The following GSE1 variants were observed in gnomAD, a reference collection of about 807,000 sequenced individuals.
The protein encoded by GSE1 is genetic suppressor element 1.
In GSE1, 32 loss-of-function variants were observed where a neutral mutation model predicts 112.6. That is an observed-to-expected ratio of 0.28 (90% confidence interval 0.21 to 0.38). The LOEUF is 0.38. Among genes scored for constraint, GSE1 ranks in the 10% least tolerant of loss-of-function variants. GSE1 has a pLI of 1.00. For missense variants in GSE1, 2,348 were observed against 1,699.2 expected (o/e 1.38, Z -6.71); for synonymous variants, 1,115 against 735.6 (o/e 1.52, Z -8.35).
Position 85,408,768 on chromosome 16 carries a change from T to C in GSE1, c.2464+51125T>C, listed in dbSNP as rs77281623. Reference sequence around the variant, plus strand: ...TCAGGCCCCCCTGGATAATCCTCACTGTTGCACTCAGGGTCCCTCTGATAA... The same window carrying C: ...TCAGGCCCCCCTGGATAATCCTCACCGTTGCACTCAGGGTCCCTCTGATAA... On this transcript the variant is annotated intron_variant, in intron 2 of 2. Coordinates refer to the GSE1 transcript ENST00000637419. Among the ~76,000 whole-genome samples, 40 of 44,380 alleles carry C rather than the reference T, an allele frequency of 9.0e-4. 1 individual carries two copies. Among genetic ancestry groups the C allele is most frequent in the East Asian group, 1.9e-3 (2 of 1,030 alleles). The allele number at this position is 44,380 out of a possible 152,430, so 29.1% of individuals were successfully genotyped here.
intron 3 of GSE1, among the ~76,000 whole-genome samples, chr16:85,649,962 G>C (rs2051195250): frequency 6.6e-6 from 1 of 152,156 alleles, no homozygotes; most frequent in South Asian, 2.1e-4. Flanking sequence ...GTCCCAGTGG[G>C]AATCCCTGGG....
chr16:85,532,464 T>C (rs2044168678), intron 2 of GSE1, among the ~76,000 whole-genome samples: 1 of 152,208 alleles, frequency 6.6e-6, no homozygotes, highest in Non-Finnish European at 1.5e-5. Flanking sequence ...AGTCTCCCTT[T>C]GTAGCCAGGC....
In GSE1 at chr16:85,338,520, G is replaced by C. The variant is rs187171864; in HGVS notation, c.2284-18943G>C. The stretch of plus-strand genomic sequence containing the variant: ...CACCTATGTCATAGGCATGTTTGGA[G>C]GATCAGGCAAGTAAGATTTGCAAAG... On this transcript the variant is annotated intron_variant, in intron 1 of 2. Coordinates refer to the GSE1 transcript ENST00000637419. 6.6e-5 allele frequency among the ~76,000 whole-genome samples: 10 copies of C among 152,244 alleles called. No individual in the cohort carries two copies. In the South Asian group the frequency reaches 2.1e-3, roughly 31 times the overall value.
chr16:85,178,396 G>C (rs1205858606), intron 1 of GSE1, among the ~76,000 whole-genome samples: 3 of 152,136 alleles, frequency 2.0e-5, no homozygotes, highest in Non-Finnish European at 4.4e-5. Context: ...GGCAGGACCA[G>C]CATTCCCGGC....
intron 1 of GSE1, among the ~76,000 whole-genome samples, chr16:85,335,833 G>A (rs904833330): frequency 1.4e-5 from 2 of 144,838 alleles, no homozygotes; most frequent in African/African-American, 2.5e-5. Flanking sequence ...AGCCGGGCGC[G>A]CTGGGAGCAG....
chr16:85,300,025 T>A (rs2045476429), intron 1 of GSE1, among the ~76,000 whole-genome samples: 1 of 152,036 alleles, frequency 6.6e-6, no homozygotes, highest in Non-Finnish European at 1.5e-5. Flanking sequence ...AGCTTTTTTT[T>A]TTTGAGACAC....
intron 2 of GSE1, among the ~76,000 whole-genome samples, chr16:85,376,174 G>A (rs942835109): frequency 2.0e-5 from 3 of 152,186 alleles, no homozygotes; most frequent in East Asian, 1.9e-4. Context: ...CTCTGCACCC[G>A]CTGTTCTGCC....
In GSE1 at chr16:85,661,634, C is replaced by T. The variant is rs770500135; in HGVS notation, c.2129C>T (p.Ser710Leu). Residue 710 changes from serine to leucine, a missense_variant, in exon 9 of 16, where the codon TCG (serine) becomes TTG (leucine). Coordinates refer to ENST00000253458, the MANE Select transcript of GSE1 (RefSeq NM_014615.5). Reference protein sequence around the residue: ...GELSGPLKPGSPYRPPVPRAP... With the variant: ...GELSGPLKPGLPYRPPVPRAP... ...CTCAGCGGACCCCTGAAGCCTGGCT[C>T]GCCCTACCGGCCCCCAGTGCCACGG... 1.7e-5 allele frequency: 28 copies of T among 1,611,370 alleles called. No individual in the cohort carries two copies. The highest frequency in any genetic ancestry group is 1.2e-4 in the Admixed American group (7 of 59,948).
intron 2 of GSE1, among the ~76,000 whole-genome samples, chr16:85,365,429 C>G (rs866852051): frequency 6.5e-4 from 99 of 152,362 alleles, no homozygotes; most frequent in Middle Eastern, 3.4e-3. Context: ...GCTGGTTCAC[C>G]TGGCTCCTCC....
At chr16:85,198,552 A>C (rs116112402) in intron 1 of GSE1, among the ~76,000 whole-genome samples, 1 of 150,758 alleles carries the variant, frequency 6.6e-6, no homozygotes, top group African/African-American at 2.4e-5. Context: ...GAGGGTCGGG[A>C]TGGGGGTAGC....
intron 2 of GSE1, among the ~76,000 whole-genome samples, chr16:85,511,367 A>G (rs549609903): frequency 3.7e-4 from 56 of 152,282 alleles, no homozygotes; most frequent in African/African-American, 1.3e-3. Flanking sequence ...TCTCTACTAA[A>G]AATACAAAAA....
At chr16:85,349,161 A>G (rs2046803396) in intron 1 of GSE1, among the ~76,000 whole-genome samples, 1 of 152,146 alleles carries the variant, frequency 6.6e-6, no homozygotes, top group African/African-American at 2.4e-5. Context: ...GCGCACATTT[A>G]ATAACCCTTT....
intron 1 of GSE1, among the ~76,000 whole-genome samples, chr16:85,569,395 C>T (rs893785194): frequency 6.6e-6 from 1 of 152,256 alleles, no homozygotes; most frequent in Non-Finnish European, 1.5e-5. Flanking sequence ...TGAATTCTTG[C>T]TCCGCCTTGA....
At chr16:85,666,669 C>T in intron 13 of GSE1, 1 of 326,406 alleles carries the variant, frequency 3.1e-6, no homozygotes, top group Non-Finnish European at 5.7e-6. Flanking sequence ...AAAGATTCCC[C>T]AAAGGCAGGA....
At chr16:85,171,479 A>G in exon 1 of GSE1, 3 of 985,582 alleles carry the variant, frequency 3.0e-6, no homozygotes, top group Non-Finnish European at 3.6e-6. Context: ...CTCTGCTACC[A>G]TGACCTGCTG....
At chr16:85,549,178 CTT>C (rs113990659) in intron 2 of GSE1, among the ~76,000 whole-genome samples, 17 of 145,200 alleles carry the variant, frequency 1.2e-4, no homozygotes, top group Non-Finnish European at 6.1e-5. Context: ...TTTTTCTCTT[CTT>C]TTTTTTTTTT....
exon 2 of GSE1, chr16:85,357,472 G>A: frequency 8.2e-7 from 1 of 1,225,764 alleles, no homozygotes; most frequent in African/African-American, 1.6e-5. Context: ...GCCTGTTTGT[G>A]GATCTCTGGA....
intron 2 of GSE1, among the ~76,000 whole-genome samples, chr16:85,401,885 C>T (rs9923252): frequency 0.68 from 104,164 of 152,118 alleles, 36,348 homozygotes; most frequent in East Asian, 0.87. Context: ...CTGTGCCTGG[C>T]GTGAGCCTGT....
At chr16:85,184,417 G>T (rs2074658324) in intron 1 of GSE1, among the ~76,000 whole-genome samples, 1 of 152,244 alleles carries the variant, frequency 6.6e-6, no homozygotes, top group African/African-American at 2.4e-5. Flanking sequence ...AGGATGTGGA[G>T]AGAGAAATTT....
Sources: gnomAD v4.1 joint callset for allele counts (sites outside exome capture counted in the v4.1 genomes callset) on GRCh38, gnomAD v4.1.1 for gene constraint, MANE v1.5 for transcripts, NCBI Gene and HGNC (gene_info 2026-07-23, HGNC 2026-07-21) for gene names.